TDRD15: variants seen among roughly 807,000 people sequenced by gnomAD.
TDRD15 encodes tudor domain-containing protein 15.
For missense variants in TDRD15, 1,416 were observed against 904.7 expected, an observed-to-expected ratio of 1.57 and a Z score of -7.25; for synonymous variants, 503 against 314.5, an observed-to-expected ratio of 1.60 and a Z score of -6.34.
Position 21,137,890 on chromosome 2 carries a change from G to T in TDRD15, c.423G>T (p.Leu141Phe), listed in dbSNP as rs1451054436. 3 of 716,042 alleles carry T rather than the reference G, an allele frequency of 4.2e-6. No homozygotes were observed. The Admixed American group carries it at 6.0e-5, about 14-fold the overall frequency. The allele number at this position is 716,042 out of a possible 1,614,324, so 44.4% of individuals were successfully genotyped here. A position where few individuals can be genotyped will look rare whatever the true frequency, so the allele number is the denominator to read the frequency against. Residue 141 changes from leucine (L) to phenylalanine (F), a missense_variant, in exon 4 of 4, where the codon TTG becomes TTT. Leu to Phe is a conservative substitution (Grantham distance 22). Coordinates refer to ENST00000405799, the MANE Select transcript of TDRD15 (RefSeq NM_001306137.2). ...GGGAAAAATGGTCCCCTAAAGCTTT[G>T]AATTATTTCAAGTCATTAGTAGGAA... ...PVGEKWSPKA[L>F]NYFKSLVGIQ... is the part of the protein sequence containing the mutation.
intron 1 of TDRD15, among the ~76,000 whole-genome samples, chr2:21,126,241 T>C (rs1325616478): frequency 6.6e-6 from 1 of 152,230 alleles, no homozygotes; most frequent in Non-Finnish European, 1.5e-5. Flanking sequence ...TCTGTTACTA[T>C]AGATTAAATG....
At position 21,142,157 on chromosome 2, in the gene TDRD15, G is replaced by GA. The variant is rs750572471; in HGVS notation, c.4698dup (p.Ser1567IlefsTer10). The GA allele has an allele frequency of 4.5e-6, 3 of 666,530 alleles. No homozygotes were observed. The highest frequency in any genetic ancestry group is 3.5e-5 in the South Asian group (2 of 57,774). 41.3% of individuals were successfully genotyped at this position (666,530 alleles called of 1,614,324 possible). The stretch of plus-strand genomic sequence containing the variant: ...TTTAATAGTATTAATTACGAAAGAA[G>GA]AAAAAAAATCCCCTTTTTTATCAAT... On this transcript the variant is annotated frameshift_variant, in exon 4 of 4. Coordinates refer to ENST00000405799, the MANE Select transcript of TDRD15 (RefSeq NM_001306137.2). LOFTEE classifies it low-confidence loss of function (END_TRUNC).
chr2:21,140,167 T>C lies in TDRD15; in HGVS notation c.2700T>C (p.Cys900=). 1 of 715,808 alleles carries C rather than the reference T, an allele frequency of 1.4e-6. No homozygotes were observed. 44.3% of individuals were successfully genotyped at this position (715,808 alleles called of 1,614,324 possible). Residue 900 remains cysteine, a synonymous_variant, in exon 4 of 4, where the codon TGT becomes TGC. Coordinates refer to ENST00000405799, the MANE Select transcript of TDRD15 (RefSeq NM_001306137.2). ...CTTCATCTAGAGGGTTATTGACTTGTATCATCTATGCCTTAGTTATTATAC... is the reference window on the plus strand; with the variant it reads ...CTTCATCTAGAGGGTTATTGACTTGCATCATCTATGCCTTAGTTATTATAC... ...FISSSRGLLT[C]IIYALVIIHP...
chr2:21,132,762 T>C (rs1369236490), intron 2 of TDRD15, among the ~76,000 whole-genome samples: 3 of 152,200 alleles, frequency 2.0e-5, no homozygotes, highest in Non-Finnish European at 4.4e-5. Context: ...AATATTCTTG[T>C]ATTTTCTTCT....
chr2:21,144,474 C>T (rs1666001175), downstream of TDRD15, among the ~76,000 whole-genome samples: 1 of 151,718 alleles, frequency 6.6e-6, no homozygotes, highest in South Asian at 2.1e-4. Context: ...TTGAATTTTA[C>T]CTAGATGTTT....
chr2:21,124,250 C>T (rs933670874), intron 1 of TDRD15, among the ~76,000 whole-genome samples: 1 of 152,174 alleles, frequency 6.6e-6, no homozygotes. Context: ...AGCCCTCCCA[C>T]CCGGGAGCAG....
chr2:21,141,566 A>C lies in TDRD15; in HGVS notation c.4099A>C (p.Ile1367Leu), dbSNP rs1049757857. The change falls in exon 4 of 4, where the codon ATT (isoleucine) becomes CTT (leucine). Residue 1367 changes from isoleucine to leucine, a missense_variant. Coordinates refer to ENST00000405799, the MANE Select transcript of TDRD15 (RefSeq NM_001306137.2). ...NAIYRAVIKK[I>L]LPGNSFEVEF... ...CATTTACAGGGCAGTTATTAAGAAA[A>C]TTTTGCCAGGAAATTCTTTTGAAGT... is the stretch of plus-strand genomic sequence containing the variant. 1 of 714,290 alleles carries C rather than the reference A, an allele frequency of 1.4e-6. No homozygotes were observed. Among genetic ancestry groups the C allele is most frequent in the East Asian group, 2.7e-5 (1 of 37,274 alleles). The allele number at this position is 714,290 out of a possible 1,614,324, so 44.2% of individuals were successfully genotyped here.
chr2:21,128,447 C>G (rs375322390), intron 2 of TDRD15, among the ~76,000 whole-genome samples: 1 of 151,760 alleles, frequency 6.6e-6, no homozygotes, highest in Non-Finnish European at 1.5e-5. Context: ...CTCAGCCTCC[C>G]GAGTAGCTGG....
At chr2:21,135,751 A>T (rs962433335) in intron 3 of TDRD15, among the ~76,000 whole-genome samples, 3 of 151,850 alleles carry the variant, frequency 2.0e-5, no homozygotes, top group Admixed American at 2.0e-4. Context: ...TCAGCAGTCT[A>T]TTTCTGGATG....
Position 21,137,819 on chromosome 2 carries a change from C to T in TDRD15, c.352C>T (p.Pro118Ser). ...ASACGNLFEL[P>S]PRVVFGIFAN... Reference sequence around the variant, plus strand: ...AGCCTGTGGCAATTTATTTGAGCTACCGCCACGGGTAGTATTTGGTATTTT... The same window carrying T: ...AGCCTGTGGCAATTTATTTGAGCTATCGCCACGGGTAGTATTTGGTATTTT... Residue 118 changes from proline to serine, a missense_variant, in exon 4 of 4, where the codon CCG (proline) becomes TCG (serine). Transcript: ENST00000405799. 2.8e-6 allele frequency: 2 copies of T among 716,474 alleles called. No homozygotes were observed. Among genetic ancestry groups the T allele is most frequent in the Admixed American group, 2.0e-5 (1 of 49,912 alleles). 44.4% of individuals were successfully genotyped at this position (716,474 alleles called of 1,614,324 possible).
intron 2 of TDRD15, among the ~76,000 whole-genome samples, chr2:21,128,394 C>T (rs1472127365): frequency 6.6e-6 from 1 of 151,272 alleles, no homozygotes; most frequent in Non-Finnish European, 1.5e-5. Context: ...GTGATCTCAG[C>T]TCACTGCAAA....
Position 21,125,071 on chromosome 2 carries a change from C to G in TDRD15, c.-201+1025C>G, listed in dbSNP as rs571904314. Among the ~76,000 whole-genome samples the G allele has an allele frequency of 6.9e-5, 9 of 130,862 alleles. No homozygotes were observed. The South Asian group carries it at 1.8e-3, about 26-fold the overall frequency. 85.9% of individuals were successfully genotyped at this position (130,862 alleles called of 152,430 possible). A position where few individuals can be genotyped will look rare whatever the true frequency, so the allele number is the denominator to read the frequency against. Reference sequence around the variant, plus strand: ...TCAGGGTGTGTGAGTGTGAGAGAGACCCTAATGTCAGGGTGTGTGAGTGTG... The same window carrying G: ...TCAGGGTGTGTGAGTGTGAGAGAGAGCCTAATGTCAGGGTGTGTGAGTGTG... On this transcript the variant is annotated intron_variant, in intron 1 of 3. Transcript: ENST00000405799.
rs1297373294 is a variant in TDRD15 at position 21,143,371 on chromosome 2, T to G, written c.*99T>G. The G allele has an allele frequency of 4.0e-6, 2 of 495,296 alleles. No homozygotes were observed. The highest frequency in any genetic ancestry group is 7.1e-6 in the Non-Finnish European group (2 of 281,066). The allele number at this position is 495,296 out of a possible 1,614,324, so 30.7% of individuals were successfully genotyped here. ...ACTGAGAAACAAAAGTGTAAACAAA[T>G]CTACAAAGAGGAAAGATGTCTGTAA... On this transcript the variant is annotated 3_prime_UTR_variant, in exon 4 of 4. Transcript: ENST00000405799.
Position 21,144,279 on chromosome 2 carries a change from G to A in TDRD15, c.*1007G>A, listed in dbSNP as rs752048657. ...TCCACATTACATTCATTTTCTGTAT[G>A]GATTAGTTACTGAGGATTTTGTAGG... On this transcript the variant is annotated 3_prime_UTR_variant, in exon 4 of 4. Transcript: ENST00000405799. Among the ~76,000 whole-genome samples, 2 of 151,674 alleles carry A rather than the reference G, an allele frequency of 1.3e-5. No homozygotes were observed. Among genetic ancestry groups the A allele is most frequent in the Non-Finnish European group, 3.0e-5 (2 of 67,778 alleles).
Position 21,141,377 on chromosome 2 carries a change from A to G in TDRD15, c.3910A>G (p.Ile1304Val), listed in dbSNP as rs1665927447. The G allele has an allele frequency of 5.6e-6, 4 of 715,042 alleles. No individual in the cohort carries two copies. Among genetic ancestry groups the G allele is most frequent in the Non-Finnish European group, 1.0e-5 (4 of 383,646 alleles). 44.3% of individuals were successfully genotyped at this position (715,042 alleles called of 1,614,324 possible). Reference protein sequence around the residue: ...NAKVKGYVSNISNPANFHIQL... With the variant: ...NAKVKGYVSNVSNPANFHIQL... ...CAAAGTTAAAGGGTATGTATCTAAT[A>G]TCAGTAATCCAGCGAATTTCCATAT... Residue 1304 changes from isoleucine (I) to valine (V), a missense_variant, in exon 4 of 4, where the codon ATC becomes GTC. By Grantham distance (29) the Ile-to-Val change is conservative (BLOSUM62 3). Transcript: ENST00000405799.
downstream of TDRD15, among the ~76,000 whole-genome samples, chr2:21,145,966 G>T (rs1022415403): frequency 6.6e-6 from 1 of 151,900 alleles, no homozygotes; most frequent in Non-Finnish European, 1.5e-5. Flanking sequence ...AAACTCTGAC[G>T]CCTGGGTCCC....
chr2:21,126,390 G>C (rs1193716333), intron 1 of TDRD15, among the ~76,000 whole-genome samples: 5 of 151,240 alleles, frequency 3.3e-5, no homozygotes, highest in Non-Finnish European at 5.9e-5. Flanking sequence ...CTTTGAGACG[G>C]AGTTTCCCTC....
At chr2:21,125,787 C>T (rs1356410800) in intron 1 of TDRD15, among the ~76,000 whole-genome samples, 2 of 152,118 alleles carry the variant, frequency 1.3e-5, no homozygotes, top group African/African-American at 2.4e-5. Context: ...GTCACACTTT[C>T]CTCTATTTGT....
At position 21,138,707 on chromosome 2, in the gene TDRD15, C is replaced by A. The variant is rs1665861735; in HGVS notation, c.1240C>A (p.Leu414Met). 1.4e-6 allele frequency: 1 copy of A among 715,812 alleles called. No individual in the cohort carries two copies. The highest frequency in any genetic ancestry group is 1.7e-5 in the African/African-American group (1 of 57,156). The allele number at this position is 715,812 out of a possible 1,614,324, so 44.3% of individuals were successfully genotyped here. The part of the protein sequence containing the change: ...QESTVNSKCL[L>M]KTVGTQVLCP... ...GTCTACAGTTAATTCTAAGTGTCTA[C>A]TGAAGACTGTAGGCACACAAGTACT... The change falls in exon 4 of 4, where the codon CTG becomes ATG. Residue 414 changes from leucine to methionine, a missense_variant. Physicochemically the swap from Leu to Met is conservative, Grantham distance 15. Transcript: ENST00000405799.
Sources: gnomAD v4.1 joint callset for allele counts (sites outside exome capture counted in the v4.1 genomes callset) on GRCh38, gnomAD v4.1.1 for gene constraint, MANE v1.5 for transcripts, NCBI Gene and HGNC (gene_info 2026-07-23, HGNC 2026-07-21) for gene names.